The following EXPH5 variants were observed in gnomAD, a reference collection of about 807,000 sequenced individuals.
EXPH5 encodes the protein exophilin 5.
A neutral mutation model predicts 41.1 loss-of-function variants in EXPH5; 42 were observed. That is an observed-to-expected ratio of 1.02 (90% CI 0.80 to 1.32). The LOEUF is 1.32. Among genes scored for constraint, EXPH5 ranks in the 40% most tolerant of loss-of-function variants. The pLI is 0.00. For missense variants in EXPH5, 2,298 were observed against 2,314.5 expected (o/e 0.99, Z 0.15); for synonymous variants, 798 against 833.5 (o/e 0.96, Z 0.73).
At chr11:108,598,848 TCA>T in the EXPH5 span, among the ~76,000 whole-genome samples, 1 of 152,154 alleles carries the variant, frequency 6.6e-6, no homozygotes, top group African/African-American at 2.4e-5. Flanking sequence ...GCAAGGGAGT[TCA>T]GATTCCATCC....
intron 4 of EXPH5, among the ~76,000 whole-genome samples, chr11:108,519,302 A>G (rs1483888424): frequency 6.6e-6 from 1 of 152,098 alleles, no homozygotes; most frequent in African/African-American, 2.4e-5. Flanking sequence ...CACAGATCTT[A>G]GTGGGGGTTC....
At position 108,514,018 on chromosome 11, in the gene EXPH5, T is replaced by G; in HGVS notation, c.1489A>C (p.Arg497=). Residue 497 remains arginine (R), a synonymous_variant, in exon 6 of 6, where the codon AGG becomes CGG. Transcript: ENST00000265843. The part of the protein sequence containing the change: ...HSFWSDFHRS[R]KSFSSSDRDF... ...CTGTCAGAAGAACTGAATGATTTCC[T>G]GCTTCGATGAAAGTCAGACCAGAAA... 6.2e-7 allele frequency: 1 copy of G among 1,613,928 alleles called. No homozygotes were observed. Among genetic ancestry groups the G allele is most frequent in the Non-Finnish European group, 8.5e-7 (1 of 1,179,950 alleles).
At chr11:108,592,278 G>T (rs528838708) in intron 1 of EXPH5, among the ~76,000 whole-genome samples, 76 of 152,174 alleles carry the variant, frequency 5.0e-4, no homozygotes, top group Non-Finnish European at 9.3e-4. Flanking sequence ...TAGGGGAGAA[G>T]GGTGAAGTCA....
At chr11:108,537,905 C>T in intron 3 of EXPH5, 1 of 836,238 alleles carries the variant, frequency 1.2e-6, no homozygotes, top group Non-Finnish European at 1.4e-6. Context: ...AATTTTAAAT[C>T]CCCCAAATGT....
intron 1 of EXPH5, among the ~76,000 whole-genome samples, chr11:108,583,658 T>C (rs2094105123): frequency 1.3e-5 from 2 of 148,526 alleles, no homozygotes; most frequent in Non-Finnish European, 3.0e-5. Flanking sequence ...CCCATCTCTA[T>C]TAAAAAAAAT....
intron 1 of EXPH5, among the ~76,000 whole-genome samples, chr11:108,585,143 T>G (rs2094109627): frequency 6.6e-6 from 1 of 152,114 alleles, no homozygotes; most frequent in African/African-American, 2.4e-5. Context: ...AGTAAGCACA[T>G]AAAAAGATGT....
the EXPH5 span, among the ~76,000 whole-genome samples, chr11:108,607,114 C>G: frequency 6.6e-6 from 1 of 152,140 alleles, no homozygotes; most frequent in Non-Finnish European, 1.5e-5. Context: ...ATAAAAATCA[C>G]TAATGAAAAT....
chr11:108,581,567 C>T (rs1202404319), intron 1 of EXPH5, among the ~76,000 whole-genome samples: 1 of 151,814 alleles, frequency 6.6e-6, no homozygotes, highest in East Asian at 1.9e-4. Flanking sequence ...GAAGAAAGGT[C>T]TTCAATCAAT....
In EXPH5 at chr11:108,513,892, T is replaced by G. The variant is rs750187493; in HGVS notation, c.1615A>C (p.Thr539Pro). ...TCTTCTTGGCCTCTGGAAACATCTG[T>G]TCCATAACCAGAAGAAAATGATTCC... ...HWESFSSGYGTDVSRGQEEPH... is the reference protein window; with the variant it reads ...HWESFSSGYGPDVSRGQEEPH... The change falls in exon 6 of 6, where the codon ACA becomes CCA. Residue 539 changes from threonine (T) to proline (P), a missense_variant. Physicochemically the swap from Thr to Pro is conservative, Grantham distance 38. Transcript: ENST00000265843. 15 of 1,611,564 alleles carry G rather than the reference T, an allele frequency of 9.3e-6. No individual in the cohort carries two copies. The highest frequency in any genetic ancestry group is 4.0e-5 in the African/African-American group (3 of 74,776).
rs202052264 is a variant in EXPH5, at chr11:108,512,918, T to C, written c.2589A>G (p.Lys863=). Reference sequence around the variant, plus strand: ...TCTTGTGGCCAGGAGTTAACTTGCATTTTGAGTATTGTGCATTTTGAGTAT... The same window carrying C: ...TCTTGTGGCCAGGAGTTAACTTGCACTTTGAGTATTGTGCATTTTGAGTAT... ...LTDTQNAQYS[K]CKLTPGHKTS... is the part of the protein sequence containing the mutation. The change falls in exon 6 of 6, where the codon AAA becomes AAG. Residue 863 remains lysine (K), a synonymous_variant. Coordinates refer to ENST00000265843, the MANE Select transcript of EXPH5 (RefSeq NM_015065.3). The C allele has an allele frequency of 4.6e-5, 74 of 1,613,368 alleles. No individual in the cohort carries two copies. The highest frequency in any genetic ancestry group is 5.9e-5 in the Non-Finnish European group (70 of 1,179,740).
chr11:108,557,290 C>T (rs925554944), intron 1 of EXPH5, among the ~76,000 whole-genome samples: 2 of 152,048 alleles, frequency 1.3e-5, no homozygotes, highest in Admixed American at 6.6e-5. Context: ...AGACAATGTC[C>T]TCATGCTTGT....
At chr11:108,556,391 G>A (rs1226932166) in intron 1 of EXPH5, among the ~76,000 whole-genome samples, 1 of 152,016 alleles carries the variant, frequency 6.6e-6, no homozygotes, top group African/African-American at 2.4e-5. Flanking sequence ...CCATTTTGGT[G>A]TGATCTATTG....
At chr11:108,545,726 A>G (rs750188955) in intron 1 of EXPH5, among the ~76,000 whole-genome samples, 1 of 152,022 alleles carries the variant, frequency 6.6e-6, no homozygotes, top group Non-Finnish European at 1.5e-5. Context: ...AACATAGCGA[A>G]AACCCACTTC....
At chr11:108,536,864 G>A (rs1214225468) in intron 3 of EXPH5, among the ~76,000 whole-genome samples, 1 of 152,164 alleles carries the variant, frequency 6.6e-6, no homozygotes, top group Non-Finnish European at 1.5e-5. Context: ...TCTCTGATTT[G>A]CAAAAGATCC....
Position 108,525,562 on chromosome 11 carries a change from T to G in EXPH5, c.492+2574A>C, listed in dbSNP as rs138937029. 2.2e-3 allele frequency among the ~76,000 whole-genome samples: 329 copies of G among 152,374 alleles called. 1 individual carries two copies. Among genetic ancestry groups the G allele is most frequent in the African/African-American group, 7.5e-3 (312 of 41,600 alleles). ...ATTTCTATGTGTCTTTTGCTTCTTTTAAGCTTATGCAAATGTTTAAGTAGC... is the reference window on the plus strand; with the variant it reads ...ATTTCTATGTGTCTTTTGCTTCTTTGAAGCTTATGCAAATGTTTAAGTAGC... On this transcript the variant is annotated intron_variant, in intron 4 of 5. Transcript: ENST00000265843.
At chr11:108,544,756 A>G (rs1417143102) in intron 1 of EXPH5, among the ~76,000 whole-genome samples, 2 of 152,226 alleles carry the variant, frequency 1.3e-5, no homozygotes, top group East Asian at 3.8e-4. Context: ...ATGACAAAAC[A>G]TGAAGCAGGA....
chr11:108,505,764 C>T lies in EXPH5; in HGVS notation c.*3773G>A, dbSNP rs1302909269. On this transcript the variant is annotated 3_prime_UTR_variant, in exon 6 of 6. Transcript: ENST00000265843. ...TTCTCTTAAACCCTCTGGCACTTAA[C>T]AAAGAATATTAATTTTATGGGGCTA... 1 of 152,154 alleles carries T rather than the reference C, an allele frequency of 6.6e-6. No homozygotes were observed. Among genetic ancestry groups the T allele is most frequent in the Non-Finnish European group, 1.5e-5 (1 of 68,028 alleles). The allele number at this position is 152,154 out of a possible 1,614,324, so 9.4% of individuals were successfully genotyped here.
At chr11:108,587,669 T>C (rs1188469782) in intron 1 of EXPH5, among the ~76,000 whole-genome samples, 1 of 152,244 alleles carries the variant, frequency 6.6e-6, no homozygotes, top group Admixed American at 6.5e-5. Flanking sequence ...AAAAAGTATT[T>C]TACCTTCGTA....
At chr11:108,590,646 T>A (rs898791096) in intron 1 of EXPH5, among the ~76,000 whole-genome samples, 44 of 152,026 alleles carry the variant, frequency 2.9e-4, no homozygotes, top group African/African-American at 1.0e-3. Context: ...TAAAAAAAAA[T>A]GATTTTATTT....
Sources: gnomAD v4.1 joint callset for allele counts (sites outside exome capture counted in the v4.1 genomes callset) on GRCh38, gnomAD v4.1.1 for gene constraint, MANE v1.5 for transcripts, NCBI Gene and HGNC (gene_info 2026-07-23, HGNC 2026-07-21) for gene names.